P3H2: variants seen among roughly 807,000 people sequenced by gnomAD.
P3H2 encodes prolyl 3-hydroxylase 2, also known as leprecan-like 1.
P3H2 carries 80 observed loss-of-function variants against 87.0 expected under a neutral mutation model. The ratio of observed to expected loss-of-function variants is 0.92; its 90% confidence interval spans 0.77 to 1.11. The LOEUF (loss-of-function observed/expected upper bound fraction) is 1.11. Ranked by LOEUF, P3H2 falls within the 50% of genes least tolerant of loss-of-function variation. P3H2 has a pLI of 0.00. For synonymous variants in P3H2, 367 were observed against 359.3 expected (o/e 1.02, Z -0.24); for missense variants, 1,001 against 923.9 (o/e 1.08, Z -1.08).
rs1723717522 is a variant in P3H2 at position 189,986,867 on chromosome 3, A to T, written c.1109T>A (p.Met370Lys). The T allele has an allele frequency of 1.2e-6, 2 of 1,608,942 alleles. No homozygotes were observed. Among genetic ancestry groups the T allele is most frequent in the East Asian group, 4.5e-5 (2 of 44,826 alleles). The change falls in exon 6 of 15, where the codon ATG becomes AAG. Residue 370 changes from methionine (M) to lysine (K), a missense_variant. Met to Lys is a moderately conservative substitution (Grantham distance 95). Transcript: ENST00000319332. ...ASIEAREDLT[M>K]FVKRHKLESE... ...CTCCAGCTTATGACGTTTCACAAAC[A>T]TTGTTAAATCCTAGAGAAAAAGAAG...
chr3:189,974,065 T>C, intron 9 of P3H2, 61 bp from the exon 10 acceptor site: 1 of 1,407,682 alleles, frequency 7.1e-7, no homozygotes, highest in Non-Finnish European at 1.0e-6. Context: ...CAGGTCTTTT[T>C]CTGCTTTGGC....
intron 1 of P3H2, among the ~76,000 whole-genome samples, chr3:190,099,076 A>T (rs904309397): frequency 6.6e-6 from 1 of 152,260 alleles, no homozygotes; most frequent in East Asian, 1.9e-4. Context: ...GAAGCTTAAT[A>T]GTAGATATAA....
intron 6 of P3H2, among the ~76,000 whole-genome samples, chr3:189,985,480 T>C (rs1363794041): frequency 2.6e-5 from 4 of 151,544 alleles, no homozygotes; most frequent in African/African-American, 9.7e-5. Flanking sequence ...GTTCAATCTG[T>C]TGTGAGCTAT....
intron 1 of P3H2, among the ~76,000 whole-genome samples, chr3:190,114,244 C>T (rs1712196193): frequency 6.8e-6 from 1 of 146,600 alleles, no homozygotes; most frequent in Non-Finnish European, 1.5e-5. Context: ...AGTGCGGTGG[C>T]GCCATCTCGG....
At chr3:189,966,121 G>A (rs865994319) in intron 13 of P3H2, among the ~76,000 whole-genome samples, 61 of 70,740 alleles carry the variant, frequency 8.6e-4, no homozygotes, top group African/African-American at 2.8e-3. Flanking sequence ...AAGAAAGAAA[G>A]AAAAAGAAAG....
At chr3:189,980,087 G>A (rs1723483589) in intron 8 of P3H2, among the ~76,000 whole-genome samples, 1 of 152,334 alleles carries the variant, frequency 6.6e-6, no homozygotes, top group East Asian at 1.9e-4. Context: ...ACTGTGGGAT[G>A]TAAGTAGCCC....
chr3:190,008,521 T>C (rs1724466143), intron 1 of P3H2, among the ~76,000 whole-genome samples: 1 of 152,144 alleles, frequency 6.6e-6, no homozygotes, highest in Admixed American at 6.5e-5. Flanking sequence ...TTATATTCGG[T>C]GGTTAAAAAA....
intron 1 of P3H2, among the ~76,000 whole-genome samples, chr3:190,091,574 T>C (rs1332647422): frequency 6.6e-6 from 1 of 152,248 alleles, no homozygotes; most frequent in East Asian, 1.9e-4. Flanking sequence ...CTAGAAAGTT[T>C]TCTTTATAAA....
chr3:189,997,784 A>G (rs710564), intron 1 of P3H2, among the ~76,000 whole-genome samples: 71,093 of 152,002 alleles, frequency 0.47, 16,661 homozygotes, highest in Admixed American at 0.48. Flanking sequence ...TTTGGATTTC[A>G]TCTTTCTCAA....
At chr3:190,012,046 G>A (rs1411267057) in intron 1 of P3H2, among the ~76,000 whole-genome samples, 1 of 152,172 alleles carries the variant, frequency 6.6e-6, no homozygotes, top group Admixed American at 6.5e-5. Context: ...GAGAAAGGAA[G>A]CAAAGGTAGA....
chr3:190,095,155 C>T (rs1336150037), intron 1 of P3H2, among the ~76,000 whole-genome samples: 4 of 151,298 alleles, frequency 2.6e-5, no homozygotes, highest in African/African-American at 7.3e-5. Flanking sequence ...GCTCATTGTA[C>T]AGACATGAAA....
chr3:189,965,952 C>T (rs1288344458), intron 13 of P3H2, among the ~76,000 whole-genome samples: 3 of 138,056 alleles, frequency 2.2e-5, no homozygotes, highest in Admixed American at 7.8e-5. Context: ...TGCTACTGCA[C>T]TCCAGTCTGG....
At chr3:189,977,466 G>C (rs1007994962) in intron 8 of P3H2, among the ~76,000 whole-genome samples, 1 of 152,228 alleles carries the variant, frequency 6.6e-6, no homozygotes, top group South Asian at 2.1e-4. Flanking sequence ...GACTGAAACC[G>C]GTGAGAGATC....
In P3H2 at chr3:189,957,691, G is replaced by T. The variant is rs950649416; in HGVS notation, c.*221C>A. On this transcript the variant is annotated 3_prime_UTR_variant, in exon 15 of 15. Coordinates refer to ENST00000319332, the MANE Select transcript of P3H2 (RefSeq NM_018192.4). ...ATCCTAGACAACATGGTTAGACCAT[G>T]TCTCTAAGAAGAGAGAGAGAGAGAG... 1 of 547,818 alleles carries T rather than the reference G, an allele frequency of 1.8e-6. No individual in the cohort carries two copies. Among genetic ancestry groups the T allele is most frequent in the African/African-American group, 2.3e-5 (1 of 44,392 alleles). 33.9% of individuals were successfully genotyped at this position (547,818 alleles called of 1,614,324 possible). A position where few individuals can be genotyped will look rare whatever the true frequency, so the allele number is the denominator to read the frequency against.
chr3:189,980,361 G>A (rs1210790134), intron 8 of P3H2, among the ~76,000 whole-genome samples: 1 of 152,048 alleles, frequency 6.6e-6, no homozygotes, highest in African/African-American at 2.4e-5. Flanking sequence ...TCAGGAGTTC[G>A]AGGCCAGCCT....
At chr3:190,068,226 A>G (rs1726577136) in intron 1 of P3H2, among the ~76,000 whole-genome samples, 1 of 152,200 alleles carries the variant, frequency 6.6e-6, no homozygotes, top group Non-Finnish European at 1.5e-5. Context: ...AAACATTTGA[A>G]AGGACCTTCA....
chr3:190,067,788 TTATC>T (rs1224537878), intron 1 of P3H2, among the ~76,000 whole-genome samples: 2 of 152,180 alleles, frequency 1.3e-5, no homozygotes, highest in African/African-American at 4.8e-5. Flanking sequence ...CAAAAATTAT[TTATC>T]TATATCTGGA....
Position 190,019,759 on chromosome 3 carries a change from C to T in P3H2, c.481-24317G>A, listed in dbSNP as rs1724876920. Among the ~76,000 whole-genome samples the T allele has an allele frequency of 1.7e-5, 2 of 118,466 alleles. 1 individual carries two copies. The highest frequency in any genetic ancestry group is 1.8e-4 in the Admixed American group (2 of 11,112). The allele number at this position is 118,466 out of a possible 152,430, so 77.7% of individuals were successfully genotyped here. On this transcript the variant is annotated intron_variant, in intron 1 of 14. Transcript: ENST00000319332. ...GTGTGAGGAAGAAAAGGAAAAAATC[C>T]ATGTGACATTACCTAGAAATTAAAA...
At chr3:189,976,729 C>T (rs535223795) in intron 8 of P3H2, among the ~76,000 whole-genome samples, 1 of 152,266 alleles carries the variant, frequency 6.6e-6, no homozygotes, top group East Asian at 1.9e-4. Flanking sequence ...TCCCATGACA[C>T]CACCTGGCTA....
Sources: allele counts gnomAD v4.1 joint callset (sites outside exome capture counted in the v4.1 genomes callset), GRCh38; gene constraint gnomAD v4.1.1; transcripts MANE v1.5; gene names NCBI Gene and HGNC (gene_info 2026-07-23, HGNC 2026-07-21).